BMP2K: variants seen among roughly 807,000 people sequenced by gnomAD.
The protein encoded by BMP2K is BMP2 inducible kinase.
In BMP2K, 74 loss-of-function variants were observed where a neutral mutation model predicts 116.0. The observed-to-expected ratio is 0.64, with a 90% CI of 0.53 to 0.77. The LOEUF (loss-of-function observed/expected upper bound fraction) is 0.77. Ranked by LOEUF, BMP2K falls within the 30% of genes least tolerant of loss-of-function variation. BMP2K has a pLI of 0.00. For missense variants in BMP2K, 1,365 were observed against 1,403.6 expected, an observed-to-expected ratio of 0.97 and a Z score of 0.44; for synonymous variants, 486 against 502.5, an observed-to-expected ratio of 0.97 and a Z score of 0.44.
At chr4:78,860,675 A>G (rs1577934601) in intron 8 of BMP2K, among the ~76,000 whole-genome samples, 1 of 151,880 alleles carries the variant, frequency 6.6e-6, no homozygotes, top group South Asian at 2.1e-4. Flanking sequence ...TTGACTTTGT[A>G]AAGATCATTC....
intron 1 of BMP2K, among the ~76,000 whole-genome samples, chr4:78,784,578 G>A (rs28648893): frequency 0.017 from 2,587 of 152,306 alleles, 41 homozygotes; most frequent in Non-Finnish European, 0.027. Context: ...CTCTCTGCAG[G>A]AAAGTGGTTG....
intron 12 of BMP2K, chr4:78,872,353 C>A: frequency 7.8e-6 from 1 of 128,326 alleles, no homozygotes; most frequent in Non-Finnish European, 1.5e-5. Context: ...ATATTAGTGA[C>A]TTTAAGCTAC....
chr4:78,790,762 C>T (rs533675804), intron 1 of BMP2K, among the ~76,000 whole-genome samples: 1 of 152,132 alleles, frequency 6.6e-6, no homozygotes, highest in African/African-American at 2.4e-5. Context: ...TGGTGGCCCA[C>T]ACCTCAGGAG....
intron 3 of BMP2K, among the ~76,000 whole-genome samples, chr4:78,838,289 T>G (rs1040120033): frequency 4.6e-5 from 7 of 152,152 alleles, no homozygotes; most frequent in Admixed American, 1.3e-4. Context: ...TCTCACAACA[T>G]GTGGGATTTC....
intron 3 of BMP2K, among the ~76,000 whole-genome samples, chr4:78,836,948 C>T (rs544232423): frequency 4.6e-5 from 7 of 152,104 alleles, no homozygotes; most frequent in African/African-American, 7.2e-5. Flanking sequence ...TCAAGATATA[C>T]GTGCCTTACT....
At chr4:78,889,088 G>A (rs1484196197) in intron 15 of BMP2K, among the ~76,000 whole-genome samples, 3 of 152,096 alleles carry the variant, frequency 2.0e-5, no homozygotes, top group Non-Finnish European at 2.9e-5. Context: ...AGGCGTGGTG[G>A]TGGGTGCCTG....
chr4:78,791,778 A>T (rs1380275785), intron 1 of BMP2K, among the ~76,000 whole-genome samples: 3 of 152,220 alleles, frequency 2.0e-5, no homozygotes, highest in Non-Finnish European at 4.4e-5. Flanking sequence ...AGCCTACATC[A>T]GAATTTCATT....
chr4:78,908,401 C>T (rs780990209), intron 15 of BMP2K, among the ~76,000 whole-genome samples: 2 of 152,206 alleles, frequency 1.3e-5, no homozygotes, highest in Non-Finnish European at 2.9e-5. Context: ...TTGCACTCAG[C>T]TGTTTTCTTC....
chr4:78,807,182 T>A (rs1728862738), intron 1 of BMP2K, among the ~76,000 whole-genome samples: 1 of 152,178 alleles, frequency 6.6e-6, no homozygotes, highest in South Asian at 2.1e-4. Context: ...ATTTTTTCCC[T>A]GCATTTATTG....
chr4:78,869,369 G>C (rs1337713338), intron 10 of BMP2K, among the ~76,000 whole-genome samples: 1 of 152,124 alleles, frequency 6.6e-6, no homozygotes, highest in East Asian at 1.9e-4. Flanking sequence ...AGGCTGGAAG[G>C]ATAGAGGGAA....
intron 10 of BMP2K, among the ~76,000 whole-genome samples, chr4:78,867,341 G>A (rs1732104405): frequency 1.3e-5 from 2 of 152,178 alleles, no homozygotes; most frequent in Non-Finnish European, 1.5e-5. Flanking sequence ...GTTCAGACAT[G>A]ATTTTGGAGT....
chr4:78,844,568 T>TA (rs1204655379), intron 4 of BMP2K, among the ~76,000 whole-genome samples: 1 of 151,618 alleles, frequency 6.6e-6, no homozygotes. Flanking sequence ...TTCTCTTTTA[T>TA]AAAAACAGTT....
At chr4:78,897,605 G>T (rs1322882082) in intron 15 of BMP2K, among the ~76,000 whole-genome samples, 1 of 152,146 alleles carries the variant, frequency 6.6e-6, no homozygotes, top group Non-Finnish European at 1.5e-5. Context: ...CATAGTGTAT[G>T]TAAAACTTTT....
In BMP2K at chr4:78,851,043, A is replaced by C. The variant is rs1353353541; in HGVS notation, c.870A>C (p.Ile290=). Residue 290 remains isoleucine, a synonymous_variant, in exon 7 of 16, where the codon ATA becomes ATC. Transcript: ENST00000502613. ...ACAATTCTCGTTACTCCCGTAACAT[A>C]CATTGCTTAATAAGTAAGTATTTGG... ...IPDNSRYSRN[I]HCLIRFMLEP... 3.1e-6 allele frequency: 5 copies of C among 1,609,778 alleles called. No individual in the cohort carries two copies. In the Admixed American group the frequency reaches 8.4e-5, roughly 27 times the overall value.
intron 1 of BMP2K, among the ~76,000 whole-genome samples, chr4:78,785,680 CAG>C (rs770477869): frequency 2.6e-5 from 4 of 152,116 alleles, no homozygotes; most frequent in Admixed American, 6.5e-5. Flanking sequence ...GGAGGTATGA[CAG>C]TACTTTCTCT....
intron 15 of BMP2K, among the ~76,000 whole-genome samples, chr4:78,897,664 G>A (rs756064044): frequency 5.3e-5 from 8 of 151,886 alleles, no homozygotes; most frequent in South Asian, 2.1e-4. Flanking sequence ...TTTTTATAGC[G>A]CTAAGTATCC....
intron 13 of BMP2K, among the ~76,000 whole-genome samples, chr4:78,876,570 TTTCTC>T (rs1231148361): frequency 2.0e-5 from 3 of 152,328 alleles, no homozygotes; most frequent in East Asian, 3.9e-4. Context: ...TTGCCTTTCT[TTTCTC>T]TTCTAAGACC....
intron 1 of BMP2K, among the ~76,000 whole-genome samples, chr4:78,781,778 G>C (rs1012169409): frequency 1.3e-5 from 2 of 152,118 alleles, no homozygotes; most frequent in African/African-American, 4.8e-5. Context: ...GATTATGTCT[G>C]AGTGAGGCCC....
intron 2 of BMP2K, among the ~76,000 whole-genome samples, chr4:78,830,696 G>A (rs917410910): frequency 1.3e-5 from 2 of 152,162 alleles, no homozygotes; most frequent in African/African-American, 4.8e-5. Context: ...GCTGGAAATG[G>A]CTTCTTTCCT....
Sources: gnomAD v4.1 joint callset for allele counts (sites outside exome capture counted in the v4.1 genomes callset) on GRCh38, gnomAD v4.1.1 for gene constraint, MANE v1.5 for transcripts, NCBI Gene and HGNC (gene_info 2026-07-23, HGNC 2026-07-21) for gene names.